FAM171A1: variants seen among roughly 807,000 people sequenced by gnomAD.
FAM171A1 encodes the protein protein FAM171A1.
Under a neutral mutation model 74.9 loss-of-function variants are expected in FAM171A1, and 23 were observed. That is an observed-to-expected ratio of 0.31 (90% CI 0.22 to 0.44). FAM171A1 has a LOEUF of 0.44. Ranked by LOEUF, FAM171A1 falls within the 20% of genes least tolerant of loss-of-function variation. The pLI is 1.00. For synonymous variants in FAM171A1, 527 were observed against 505.7 expected, an observed-to-expected ratio of 1.04 and a Z score of -0.57; for missense variants, 1,162 against 1,159.2, an observed-to-expected ratio of 1.00 and a Z score of -0.03.
intron 3 of FAM171A1, among the ~76,000 whole-genome samples, chr10:15,256,084 C>T (rs1588515476): frequency 6.6e-6 from 1 of 152,106 alleles, no homozygotes; most frequent in Admixed American, 6.5e-5. Context: ...TAGATCCAAC[C>T]CCAGGCTTGA....
chr10:15,259,998 ATAT>A (rs1834635303), intron 3 of FAM171A1, among the ~76,000 whole-genome samples: 1 of 151,558 alleles, frequency 6.6e-6, no homozygotes, highest in Non-Finnish European at 1.5e-5. Flanking sequence ...GCTAATTTTT[ATAT>A]TTTTTTGTAG....
At chr10:15,220,323 T>C (rs1834020567) in intron 6 of FAM171A1, among the ~76,000 whole-genome samples, 1 of 151,994 alleles carries the variant, frequency 6.6e-6, no homozygotes, top group Admixed American at 6.6e-5. Flanking sequence ...TCACTGGAAA[T>C]AATTCTCCTG....
chr10:15,322,934 G>A (rs1835503804), intron 1 of FAM171A1, among the ~76,000 whole-genome samples: 1 of 152,006 alleles, frequency 6.6e-6, no homozygotes, highest in South Asian at 2.1e-4. Context: ...GAGGCCAGGA[G>A]TTCGAGACCA....
At chr10:15,289,231 C>T (rs973324667) in intron 1 of FAM171A1, among the ~76,000 whole-genome samples, 1 of 152,146 alleles carries the variant, frequency 6.6e-6, no homozygotes, top group African/African-American at 2.4e-5. Context: ...AAATGACAAC[C>T]AGGGCAGCTG....
intron 2 of FAM171A1, among the ~76,000 whole-genome samples, chr10:15,276,425 T>A (rs1250433053): frequency 6.6e-6 from 1 of 152,210 alleles, no homozygotes; most frequent in Non-Finnish European, 1.5e-5. Context: ...GTGATCCACC[T>A]GCCTTGGCCT....
chr10:15,296,331 C>T (rs1161402774), intron 1 of FAM171A1, among the ~76,000 whole-genome samples: 1 of 151,942 alleles, frequency 6.6e-6, no homozygotes, highest in African/African-American at 2.4e-5. Flanking sequence ...TGTTATGTAA[C>T]ATATAACAGA....
intron 5 of FAM171A1, among the ~76,000 whole-genome samples, chr10:15,232,973 G>A (rs539574783): frequency 9.3e-4 from 142 of 152,334 alleles, no homozygotes; most frequent in African/African-American, 3.2e-3. Flanking sequence ...TAATGGATAA[G>A]CTCAGCTAAG....
chr10:15,236,136 A>T (rs1228623904), intron 5 of FAM171A1, among the ~76,000 whole-genome samples: 1 of 152,170 alleles, frequency 6.6e-6, no homozygotes, highest in African/African-American at 2.4e-5. Context: ...GATGTTTCCA[A>T]ATATGGAACA....
At position 15,212,922 on chromosome 10, in the gene FAM171A1, A is replaced by G; in HGVS notation, c.2666T>C (p.Ile889Thr). 4 of 1,613,888 alleles carry G rather than the reference A, an allele frequency of 2.5e-6. No individual in the cohort carries two copies. Among genetic ancestry groups the G allele is most frequent in the Non-Finnish European group, 3.4e-6 (4 of 1,179,982 alleles). The change falls in exon 8 of 8, where the codon ATT (isoleucine) becomes ACT (threonine). Residue 889 changes from isoleucine to threonine, a missense_variant. Ile to Thr is a moderately conservative substitution (Grantham distance 89). Coordinates refer to ENST00000378116, the MANE Select transcript of FAM171A1 (RefSeq NM_001010924.2). ...AGGTGGGTCTGCGATAGCTCATTTA[A>G]TGTTAAACGCCATCAGGGGCCTCTC... ...REERPLMAFNIK is the reference protein window; with the variant it reads ...REERPLMAFNTK
intron 1 of FAM171A1, among the ~76,000 whole-genome samples, chr10:15,357,525 C>G (rs904975973): frequency 3.9e-5 from 6 of 152,186 alleles, no homozygotes; most frequent in Non-Finnish European, 8.8e-5. Flanking sequence ...AAATATTTGG[C>G]ACCTTGATAG....
intron 1 of FAM171A1, among the ~76,000 whole-genome samples, chr10:15,331,735 A>ATGTG (rs539025452): frequency 6.7e-5 from 10 of 148,768 alleles, no homozygotes; most frequent in African/African-American, 1.7e-4. Flanking sequence ...TTTTATATAT[A>ATGTG]TGTGTGTGTG....
chr10:15,266,936 T>C (rs952338987), intron 3 of FAM171A1, among the ~76,000 whole-genome samples: 8 of 151,146 alleles, frequency 5.3e-5, no homozygotes, highest in Non-Finnish European at 1.0e-4. Context: ...GAGTGTGAGT[T>C]GGCAGAATGG....
chr10:15,270,705 A>G (rs1009162203), intron 3 of FAM171A1, among the ~76,000 whole-genome samples: 1 of 152,130 alleles, frequency 6.6e-6, no homozygotes, highest in Non-Finnish European at 1.5e-5. Context: ...AGGCAGCAAC[A>G]TTTGCTGTTC....
rs2131694900 is a variant in FAM171A1, at chr10:15,211,741, A to C, written c.*1174T>G. 1 of 151,818 alleles carries C rather than the reference A, an allele frequency of 6.6e-6. No individual in the cohort carries two copies. Among genetic ancestry groups the C allele is most frequent in the South Asian group, 2.1e-4 (1 of 4,786 alleles). The allele number at this position is 151,818 out of a possible 1,614,324, so 9.4% of individuals were successfully genotyped here. On this transcript the variant is annotated 3_prime_UTR_variant, in exon 8 of 8. Transcript: ENST00000378116. ...AGAAGAGTCATTCTGGCACTTTTGG[A>C]TAGTACATAAGATTTTCTTTTTTTT... is the stretch of plus-strand genomic sequence containing the variant.
chr10:15,361,848 G>T lies in FAM171A1; in HGVS notation c.97+9108C>A, dbSNP rs192361831. ...CTATTCAAATTCTGAGCTCAAGATA[G>T]TACATCTAAGAAAATAAAAATGTTC... is the stretch of plus-strand genomic sequence containing the variant. On this transcript the variant is annotated intron_variant, in intron 1 of 7. Transcript: ENST00000378116. Among the ~76,000 whole-genome samples, 560 of 152,284 alleles carry T rather than the reference G, an allele frequency of 3.7e-3. 1 individual carries two copies. The highest frequency in any genetic ancestry group is 0.013 in the African/African-American group (536 of 41,564).
At position 15,215,988 on chromosome 10, in the gene FAM171A1, C is replaced by A; in HGVS notation, c.986+8G>T. On this transcript the variant is annotated splice_region_variant and intron_variant, in intron 7 of 7. Coordinates refer to ENST00000378116, the MANE Select transcript of FAM171A1 (RefSeq NM_001010924.2). ...AAAAAAGATATTGCCAAAATGGTAA[C>A]ACTTTACCTGCAATAATATAAAAGG... 1 of 1,568,556 alleles carries A rather than the reference C, an allele frequency of 6.4e-7. No homozygotes were observed. Among genetic ancestry groups the A allele is most frequent in the Non-Finnish European group, 8.7e-7 (1 of 1,153,246 alleles).
intron 6 of FAM171A1, among the ~76,000 whole-genome samples, chr10:15,218,934 T>C (rs531668584): frequency 6.6e-6 from 1 of 152,220 alleles, no homozygotes; most frequent in Admixed American, 6.5e-5. Flanking sequence ...CTTCCTTCAC[T>C]GCTAGGAAGC....
intron 2 of FAM171A1, among the ~76,000 whole-genome samples, chr10:15,282,813 TGG>T (rs1834987211): frequency 6.6e-6 from 1 of 152,162 alleles, no homozygotes; most frequent in African/African-American, 2.4e-5. Context: ...AATGTTCCCT[TGG>T]ATATAACTTA....
chr10:15,235,585 C>T (rs888561714), intron 5 of FAM171A1, among the ~76,000 whole-genome samples: 1 of 152,034 alleles, frequency 6.6e-6, no homozygotes, highest in Non-Finnish European at 1.5e-5. Context: ...GGTGTTGTAT[C>T]ATTTGTATAT....
Sources: gnomAD v4.1 joint callset for allele counts (sites outside exome capture counted in the v4.1 genomes callset) on GRCh38, gnomAD v4.1.1 for gene constraint, MANE v1.5 for transcripts, NCBI Gene and HGNC (gene_info 2026-07-23, HGNC 2026-07-21) for gene names.